The following ADAMTS6 variants were observed in gnomAD, a reference collection of about 807,000 sequenced individuals.
ADAMTS6 encodes A disintegrin and metalloproteinase with thrombospondin motifs 6.
A neutral mutation model predicts 144.3 loss-of-function variants in ADAMTS6; 23 were observed. That is an observed-to-expected ratio of 0.16 (90% confidence interval 0.11 to 0.23). The LOEUF is 0.23. ADAMTS6 is among the 10% of genes least tolerant of loss of function. The pLI is 1.00. For missense variants in ADAMTS6, 999 were observed against 1,379.6 expected, an observed-to-expected ratio of 0.72 and a Z score of 4.37; for synonymous variants, 444 against 457.5, an observed-to-expected ratio of 0.97 and a Z score of 0.38.
At chr5:65,376,784 C>A (rs868213501) in intron 7 of ADAMTS6, among the ~76,000 whole-genome samples, 3 of 151,824 alleles carry the variant, frequency 2.0e-5, no homozygotes, top group Non-Finnish European at 4.4e-5. Flanking sequence ...TGAGCCATAA[C>A]CACCACAGCA....
intron 7 of ADAMTS6, among the ~76,000 whole-genome samples, chr5:65,422,279 C>T (rs1215511331): frequency 6.6e-6 from 1 of 152,200 alleles, no homozygotes; most frequent in African/African-American, 2.4e-5. Context: ...TTTACCCCAG[C>T]CAGAATGGCC....
At chr5:65,286,753 C>T (rs1026680244) in intron 11 of ADAMTS6, among the ~76,000 whole-genome samples, 2 of 152,142 alleles carry the variant, frequency 1.3e-5, no homozygotes, top group African/African-American at 2.4e-5. Flanking sequence ...TGAGGCTGAG[C>T]CTTGAATTAA....
chr5:65,178,473 GA>G (rs1382650769), intron 22 of ADAMTS6, among the ~76,000 whole-genome samples: 1 of 152,146 alleles, frequency 6.6e-6, no homozygotes, highest in African/African-American at 2.4e-5. Context: ...TGAGTTAAAA[GA>G]AAAACTCATG....
intron 18 of ADAMTS6, among the ~76,000 whole-genome samples, chr5:65,216,782 T>TACAC (rs10584577): frequency 0.011 from 1,576 of 148,618 alleles, 10 homozygotes; most frequent in African/African-American, 0.013. Flanking sequence ...TTACAAGAAA[T>TACAC]ACACACACAC....
intron 7 of ADAMTS6, among the ~76,000 whole-genome samples, chr5:65,364,991 T>C (rs1750172922): frequency 6.6e-6 from 1 of 152,156 alleles, no homozygotes; most frequent in Non-Finnish European, 1.5e-5. Flanking sequence ...ACACCACTTA[T>C]TTCTTTCCTT....
intron 11 of ADAMTS6, among the ~76,000 whole-genome samples, chr5:65,280,545 G>A (rs886924260): frequency 1.4e-4 from 21 of 152,000 alleles, no homozygotes; most frequent in African/African-American, 4.8e-4. Context: ...AAGCTTGCCC[G>A]ATAGCTTCAA....
chr5:65,393,020 GA>G (rs888181228), intron 7 of ADAMTS6, among the ~76,000 whole-genome samples: 1 of 152,104 alleles, frequency 6.6e-6, no homozygotes, highest in African/African-American at 2.4e-5. Flanking sequence ...GTTAAAAACT[GA>G]TTTTCAAAAT....
intron 7 of ADAMTS6, among the ~76,000 whole-genome samples, chr5:65,341,431 C>T (rs780986390): frequency 3.7e-4 from 56 of 151,528 alleles, no homozygotes; most frequent in Admixed American, 1.5e-3. Context: ...GAAAAGATAA[C>T]GAAAACTGAC....
intron 12 of ADAMTS6, among the ~76,000 whole-genome samples, chr5:65,268,776 A>G (rs1761832747): frequency 2.0e-5 from 3 of 152,196 alleles, no homozygotes; most frequent in Non-Finnish European, 4.4e-5. Context: ...CAGTTCCCAT[A>G]CTTACATGGA....
At chr5:65,158,433 C>A (rs1338750890) in intron 24 of ADAMTS6, among the ~76,000 whole-genome samples, 1 of 152,168 alleles carries the variant, frequency 6.6e-6, no homozygotes, top group Non-Finnish European at 1.5e-5. Context: ...CATGGCACAC[C>A]ATGAATCACG....
chr5:65,412,381 AACACATACACACTTGCATAC>A (rs755722998), intron 7 of ADAMTS6, among the ~76,000 whole-genome samples: 22 of 151,990 alleles, frequency 1.4e-4, no homozygotes, highest in Non-Finnish European at 2.4e-4. Flanking sequence ...TTTTAGTGAA[AACACATACACACTTGCATAC>A]ACACATACAC....
intron 19 of ADAMTS6, 94 bp downstream of exon 19, chr5:65,215,230 T>G (rs945127106): frequency 8.7e-6 from 12 of 1,372,588 alleles, no homozygotes; most frequent in Non-Finnish European, 1.2e-5. Context: ...CTTAATTTCA[T>G]CACCTGTAAA....
intron 22 of ADAMTS6, among the ~76,000 whole-genome samples, chr5:65,176,110 A>G (rs1332779331): frequency 2.2e-5 from 3 of 139,310 alleles, no homozygotes; most frequent in Admixed American, 1.4e-4. Context: ...CATCTTCGGA[A>G]AAAAAAGGGA....
chr5:65,471,694 G>T (rs1760457606), intron 2 of ADAMTS6, among the ~76,000 whole-genome samples: 1 of 151,812 alleles, frequency 6.6e-6, no homozygotes, highest in Admixed American at 6.6e-5. Context: ...GGAGGTGGTG[G>T]TTGCAGTGAG....
chr5:65,411,599 G>C (rs1469427354), intron 7 of ADAMTS6, among the ~76,000 whole-genome samples: 1 of 152,130 alleles, frequency 6.6e-6, no homozygotes, highest in African/African-American at 2.4e-5. Context: ...CGGAGTATGA[G>C]TGACGTGGGA....
At chr5:65,229,445 C>T (rs1193277255) in intron 15 of ADAMTS6, among the ~76,000 whole-genome samples, 2 of 151,902 alleles carry the variant, frequency 1.3e-5, no homozygotes, top group Non-Finnish European at 2.9e-5. Context: ...GGTAATATTC[C>T]AATAACCAAC....
At chr5:65,260,520 A>G in intron 14 of ADAMTS6, 80 bp downstream of exon 14, 2 of 1,114,414 alleles carry the variant, frequency 1.8e-6, no homozygotes, top group South Asian at 1.4e-5. Flanking sequence ...TTCTTATCAA[A>G]TAGTTTAAAA....
intron 12 of ADAMTS6, among the ~76,000 whole-genome samples, chr5:65,268,921 A>T (rs866729143): frequency 2.6e-5 from 4 of 152,080 alleles, no homozygotes; most frequent in African/African-American, 9.7e-5. Flanking sequence ...CCTCCCTTTT[A>T]AAAAAAGATT....
At chr5:65,282,052 CA>C (rs1345523360) in intron 11 of ADAMTS6, among the ~76,000 whole-genome samples, 3 of 152,070 alleles carry the variant, frequency 2.0e-5, no homozygotes, top group Non-Finnish European at 4.4e-5. Context: ...ATTATTATAT[CA>C]TTAAGGAAAG....
Sources: gnomAD v4.1 joint callset for allele counts (sites outside exome capture counted in the v4.1 genomes callset) on GRCh38, gnomAD v4.1.1 for gene constraint, MANE v1.5 for transcripts, NCBI Gene and HGNC (gene_info 2026-07-23, HGNC 2026-07-21) for gene names.